Variants in DCC observed in about 807,000 individuals in gnomAD.
The protein encoded by DCC is DCC netrin 1 receptor.
In DCC, 58 loss-of-function variants were observed where a neutral mutation model predicts 172.5. That is an observed-to-expected ratio of 0.34 (90% CI 0.27 to 0.42). The LOEUF (loss-of-function observed/expected upper bound fraction) is 0.42. Ranked by LOEUF, DCC falls within the 10% of genes least tolerant of loss-of-function variation. The pLI is 1.00. For missense variants in DCC, 1,740 were observed against 1,791.0 expected (o/e 0.97, Z 0.51); for synonymous variants, 709 against 644.5 (o/e 1.10, Z -1.52).
At chr18:52,688,920 T>C (rs17829043) in intron 1 of DCC, among the ~76,000 whole-genome samples, 3,366 of 152,242 alleles carry the variant, frequency 0.022, 65 homozygotes, top group East Asian at 0.093. Context: ...TATTACCCAG[T>C]AAATCCTAAG....
At chr18:52,343,907 G>A (rs556324329) in intron 1 of DCC, among the ~76,000 whole-genome samples, 2 of 151,014 alleles carry the variant, frequency 1.3e-5, no homozygotes, top group African/African-American at 2.4e-5. Context: ...GGGTAGGCTG[G>A]CAGTCCACTC....
chr18:53,230,922 G>A (rs1448372748), intron 12 of DCC, among the ~76,000 whole-genome samples: 1 of 151,950 alleles, frequency 6.6e-6, no homozygotes, highest in Admixed American at 6.6e-5. Context: ...GCAGTTTGAA[G>A]TCTACTTTTC....
At chr18:52,653,531 A>T (rs113373473) in intron 1 of DCC, among the ~76,000 whole-genome samples, 8 of 152,220 alleles carry the variant, frequency 5.3e-5, no homozygotes, top group African/African-American at 1.7e-4. Flanking sequence ...ACACAATCTG[A>T]TAAATGCTAT....
intron 1 of DCC, among the ~76,000 whole-genome samples, chr18:52,350,746 T>C (rs1041872557): frequency 5.3e-5 from 8 of 152,174 alleles, no homozygotes; most frequent in African/African-American, 1.7e-4. Context: ...CCTAAATTGA[T>C]TGGACCAAAA....
intron 1 of DCC, among the ~76,000 whole-genome samples, chr18:52,738,487 A>G (rs1428911830): frequency 1.3e-5 from 2 of 152,150 alleles, no homozygotes; most frequent in African/African-American, 4.8e-5. Flanking sequence ...TTTGTACAAG[A>G]GATTAAAAAT....
chr18:53,090,698 C>CAAAAAA lies in DCC; in HGVS notation c.1261+24563_1261+24568dup, dbSNP rs59898050. On this transcript the variant is annotated intron_variant, in intron 7 of 28. Coordinates refer to ENST00000442544, the MANE Select transcript of DCC (RefSeq NM_005215.4). ...GACAGAGCGAAACTCCGTCCCCCAACAAAAAAAAAAAAAAAAAAAAAAAAA... is the reference window on the plus strand; with the variant it reads ...GACAGAGCGAAACTCCGTCCCCCAACAAAAAAAAAAAAAAAAAAAAAAAAAAAAAAA... Among the ~76,000 whole-genome samples the CAAAAAA allele has an allele frequency of 5.6e-3, 219 of 39,342 alleles. 23 individuals carry two copies. The highest frequency in any genetic ancestry group is 5.8e-3 in the Non-Finnish European group (105 of 18,204). The allele number at this position is 39,342 out of a possible 152,430, so 25.8% of individuals were successfully genotyped here. A position where few individuals can be genotyped will look rare whatever the true frequency, so the allele number is the denominator to read the frequency against.
At chr18:53,316,615 G>A (rs564589264) in intron 13 of DCC, among the ~76,000 whole-genome samples, 1 of 152,124 alleles carries the variant, frequency 6.6e-6, no homozygotes, top group African/African-American at 2.4e-5. Context: ...CCATTTGTTT[G>A]TGTCCTTTCT....
chr18:53,104,988 T>C (rs1323420157), intron 7 of DCC, among the ~76,000 whole-genome samples: 1 of 152,080 alleles, frequency 6.6e-6, no homozygotes, highest in Admixed American at 6.6e-5. Flanking sequence ...TCTGTGATTA[T>C]GTAAATGCAT....
intron 12 of DCC, among the ~76,000 whole-genome samples, chr18:53,257,079 C>A (rs573808648): frequency 6.6e-6 from 1 of 152,296 alleles, no homozygotes; most frequent in African/African-American, 2.4e-5. Context: ...TGAGACTTTG[C>A]TGAAGTTGCC....
chr18:53,055,783 C>A (rs1398329854), intron 5 of DCC, among the ~76,000 whole-genome samples: 2 of 151,936 alleles, frequency 1.3e-5, no homozygotes, highest in African/African-American at 4.8e-5. Context: ...TAAGAAAAGG[C>A]CGGGAGAGAA....
intron 1 of DCC, among the ~76,000 whole-genome samples, chr18:52,622,299 A>C (rs1422229748): frequency 6.6e-6 from 1 of 152,208 alleles, no homozygotes; most frequent in African/African-American, 2.4e-5. Context: ...GAGGCATAGA[A>C]GTTTCTCTAG....
At chr18:52,790,481 G>A (rs2037740874) in intron 2 of DCC, among the ~76,000 whole-genome samples, 1 of 152,126 alleles carries the variant, frequency 6.6e-6, no homozygotes, top group African/African-American at 2.4e-5. Flanking sequence ...CCTTTTGCTG[G>A]CATGTCAGGC....
At chr18:52,561,054 A>C (rs1364858267) in intron 1 of DCC, among the ~76,000 whole-genome samples, 1 of 152,156 alleles carries the variant, frequency 6.6e-6, no homozygotes, top group Non-Finnish European at 1.5e-5. Flanking sequence ...GGTGTTATTC[A>C]ATACTGATAT....
chr18:53,302,018 C>T (rs2057147466), intron 12 of DCC, among the ~76,000 whole-genome samples: 4 of 152,154 alleles, frequency 2.6e-5, no homozygotes, highest in Admixed American at 2.0e-4. Flanking sequence ...TCTGAGGCCT[C>T]GCTCACTTGG....
At chr18:53,460,278 T>TTTG (rs2045537834) in intron 24 of DCC, among the ~76,000 whole-genome samples, 2 of 101,440 alleles carry the variant, frequency 2.0e-5, no homozygotes, top group African/African-American at 7.1e-5. Flanking sequence ...GCTCCTGTTT[T>TTTG]TTTTTTTTTT....
At chr18:52,347,730 G>T (rs972933343) in intron 1 of DCC, among the ~76,000 whole-genome samples, 2 of 152,088 alleles carry the variant, frequency 1.3e-5, no homozygotes, top group African/African-American at 4.8e-5. Flanking sequence ...TTTAACTAAT[G>T]ATTCTGTAGC....
intron 15 of DCC, among the ~76,000 whole-genome samples, chr18:53,364,990 C>T (rs907231385): frequency 2.7e-5 from 4 of 145,616 alleles, no homozygotes; most frequent in Non-Finnish European, 6.1e-5. Context: ...TGAATTCTAT[C>T]TTTAAGGATT....
At chr18:53,288,322 A>G (rs554638475) in intron 12 of DCC, among the ~76,000 whole-genome samples, 96 of 152,240 alleles carry the variant, frequency 6.3e-4, no homozygotes, top group Non-Finnish European at 1.1e-3. Context: ...CCTAATAACT[A>G]TTGTTCTGAT....
intron 15 of DCC, among the ~76,000 whole-genome samples, chr18:53,350,577 C>G (rs542699413): frequency 2.2e-4 from 33 of 147,744 alleles, no homozygotes; most frequent in African/African-American, 4.5e-4. Context: ...TTTTGCCTCT[C>G]CATAATGTTT....
Sources: allele counts gnomAD v4.1 joint callset (sites outside exome capture counted in the v4.1 genomes callset), GRCh38; gene constraint gnomAD v4.1.1; transcripts MANE v1.5; gene names NCBI Gene and HGNC (gene_info 2026-07-23, HGNC 2026-07-21).